Variants in SPAG16 observed in about 807,000 individuals in gnomAD.
The protein encoded by SPAG16 is sperm associated antigen 16.
In SPAG16, 86 loss-of-function variants were observed where a neutral mutation model predicts 80.4. The observed-to-expected ratio is 1.07, with a 90% CI of 0.90 to 1.28. The LOEUF is 1.28. Ranked by LOEUF, SPAG16 falls within the 50% of genes most tolerant of loss-of-function variation. The probability of loss-of-function intolerance (pLI) is 0.00; values close to 1 mark genes in which losing one functional copy is unlikely to be tolerated. For synonymous variants in SPAG16, 294 were observed against 265.9 expected (o/e 1.11, Z -1.03); for missense variants, 870 against 765.3 (o/e 1.14, Z -1.61).
chr2:214,389,563 T>C (rs961351961), intron 15 of SPAG16, among the ~76,000 whole-genome samples: 13 of 152,240 alleles, frequency 8.5e-5, no homozygotes, highest in Non-Finnish European at 4.4e-5. Flanking sequence ...CAGATTTTAA[T>C]GTAGAATGTT....
intron 10 of SPAG16, among the ~76,000 whole-genome samples, chr2:213,648,643 T>C (rs1413694898): frequency 6.6e-6 from 1 of 152,038 alleles, no homozygotes; most frequent in East Asian, 1.9e-4. Flanking sequence ...TGCACATCAA[T>C]TGTCTCATCT....
chr2:214,333,586 G>A (rs904820831), intron 15 of SPAG16, among the ~76,000 whole-genome samples: 10 of 152,130 alleles, frequency 6.6e-5, no homozygotes, highest in South Asian at 2.1e-4. Flanking sequence ...CCCTCTCACC[G>A]GAACATTTCT....
chr2:213,347,970 A>G (rs1010605881), intron 6 of SPAG16, among the ~76,000 whole-genome samples: 1 of 152,040 alleles, frequency 6.6e-6, no homozygotes, highest in African/African-American at 2.4e-5. Flanking sequence ...TGATCTGTCT[A>G]ATGTTGACAG....
rs183575869 is a variant in SPAG16 at position 213,789,577 on chromosome 2, A to C, written c.1071-72908A>C. Among the ~76,000 whole-genome samples, 114 of 152,062 alleles carry C rather than the reference A, an allele frequency of 7.5e-4. No homozygotes were observed. In the South Asian group the frequency reaches 0.013, roughly 17 times the overall value. On this transcript the variant is annotated intron_variant, in intron 10 of 15. Transcript: ENST00000331683. ...TATCTTTTATTTGAAAAGCAGCTTA[A>C]AAAGACAAACCATTCCAGCACAACA... is the stretch of plus-strand genomic sequence containing the variant.
chr2:213,317,199 T>G lies in SPAG16; in HGVS notation c.399-20T>G, dbSNP rs1385559866. The stretch of plus-strand genomic sequence containing the variant: ...GGCAGAAAGAAATGATATAAACCCT[T>G]TTGTTTGATTTTATCCTAGGTATGA... On this transcript the variant is annotated intron_variant, in intron 4 of 15. Coordinates refer to ENST00000331683, the MANE Select transcript of SPAG16 (RefSeq NM_024532.5). 6.6e-7 allele frequency: 1 copy of G among 1,506,966 alleles called. No homozygotes were observed. The highest frequency in any genetic ancestry group is 2.1e-5 in the Admixed American group (1 of 48,634). The allele number at this position is 1,506,966 out of a possible 1,614,324, so 93.3% of individuals were successfully genotyped here. A position where few individuals can be genotyped will look rare whatever the true frequency, so the allele number is the denominator to read the frequency against.
intron 10 of SPAG16, among the ~76,000 whole-genome samples, chr2:213,518,752 C>T (rs758528695): frequency 3.9e-5 from 6 of 152,078 alleles, no homozygotes; most frequent in Admixed American, 6.5e-5. Context: ...CAAAGGAAAA[C>T]CAAAAAGACA....
chr2:213,608,930 G>T (rs972568445), intron 10 of SPAG16, among the ~76,000 whole-genome samples: 1 of 152,150 alleles, frequency 6.6e-6, no homozygotes, highest in Non-Finnish European at 1.5e-5. Flanking sequence ...TGATCTGCCC[G>T]CCTCGGCCTC....
intron 4 of SPAG16, among the ~76,000 whole-genome samples, chr2:213,311,692 C>T (rs866184516): frequency 1.3e-5 from 2 of 151,518 alleles, no homozygotes; most frequent in Non-Finnish European, 3.0e-5. Context: ...AATGAGATTA[C>T]ATTGTATTGA....
chr2:213,782,578 A>C (rs1190415247), intron 10 of SPAG16, among the ~76,000 whole-genome samples: 1 of 152,202 alleles, frequency 6.6e-6, no homozygotes, highest in Non-Finnish European at 1.5e-5. Flanking sequence ...GGTGGAACTG[A>C]AGGTTGAAAT....
chr2:214,229,119 T>C (rs1184710188), intron 15 of SPAG16, among the ~76,000 whole-genome samples: 3 of 151,612 alleles, frequency 2.0e-5, no homozygotes. Context: ...CAGAGTTCTT[T>C]CTCTTATGGA....
chr2:213,407,817 GAGGAGAGAGGCAGAGAGAGAGAGAC>G (rs2068725292), intron 9 of SPAG16, among the ~76,000 whole-genome samples: 5 of 136,482 alleles, frequency 3.7e-5, no homozygotes, highest in South Asian at 2.4e-4. Flanking sequence ...GAGAGAGAGA[GAGGAGAGAGGCAGAGAGAGAGAGAC>G]AGGAGAGAGG....
chr2:213,584,511 GCTCA>G (rs1318756995), intron 10 of SPAG16, among the ~76,000 whole-genome samples: 2 of 151,942 alleles, frequency 1.3e-5, no homozygotes, highest in African/African-American at 4.8e-5. Flanking sequence ...AGAATTTTGT[GCTCA>G]CTATTTGATT....
intron 10 of SPAG16, among the ~76,000 whole-genome samples, chr2:213,814,782 C>G (rs1001082536): frequency 9.1e-5 from 9 of 98,560 alleles, no homozygotes; most frequent in African/African-American, 2.9e-4. Flanking sequence ...CAATGAGGCT[C>G]TGTCTCAAAA....
chr2:213,843,876 C>T (rs2074483520), intron 10 of SPAG16, among the ~76,000 whole-genome samples: 1 of 151,854 alleles, frequency 6.6e-6, no homozygotes. Context: ...AAAAAGAACC[C>T]CTTCTTTTTT....
intron 12 of SPAG16, among the ~76,000 whole-genome samples, chr2:213,969,490 G>A (rs751440045): frequency 6.6e-5 from 10 of 152,192 alleles, no homozygotes; most frequent in Non-Finnish European, 1.2e-4. Context: ...GGCTCCTCTC[G>A]CAGTGGGATT....
intron 10 of SPAG16, among the ~76,000 whole-genome samples, chr2:213,810,142 G>T (rs2072042413): frequency 6.6e-6 from 1 of 152,132 alleles, no homozygotes. Flanking sequence ...TCAGACTATG[G>T]AATGCTGGTA....
intron 15 of SPAG16, among the ~76,000 whole-genome samples, chr2:214,258,281 T>A (rs1444970226): frequency 2.0e-5 from 3 of 151,940 alleles, no homozygotes; most frequent in African/African-American, 7.2e-5. Flanking sequence ...TTCCATTATA[T>A]CATGCCTTTG....
rs577714560 is a variant in SPAG16 at position 214,384,090 on chromosome 2, G to GC, written c.1721-26050_1721-26049insC. 2.7e-3 allele frequency among the ~76,000 whole-genome samples: 410 copies of GC among 152,246 alleles called. 2 individuals carry two copies. The highest frequency in any genetic ancestry group is 9.2e-3 in the African/African-American group (383 of 41,534). The stretch of plus-strand genomic sequence containing the variant: ...TACTAAAGTGTCCAAGACCATCTCA[G>GC]AATATTTCAATTTAAAACCAAATCT... On this transcript the variant is annotated intron_variant, in intron 15 of 15. Transcript: ENST00000331683.
At chr2:213,775,674 C>T (rs2069531791) in intron 10 of SPAG16, among the ~76,000 whole-genome samples, 1 of 152,210 alleles carries the variant, frequency 6.6e-6, no homozygotes, top group South Asian at 2.1e-4. Context: ...CTACTCTCCG[C>T]TTTTATGAGT....
Sources: gnomAD v4.1 joint callset for allele counts (sites outside exome capture counted in the v4.1 genomes callset) on GRCh38, gnomAD v4.1.1 for gene constraint, MANE v1.5 for transcripts, NCBI Gene and HGNC (gene_info 2026-07-23, HGNC 2026-07-21) for gene names.